The following LIPA variants were observed in gnomAD, a reference collection of about 807,000 sequenced individuals.
The protein encoded by LIPA is lipase A, lysosomal acid type, also known as lysosomal acid lipase/cholesteryl ester hydrolase.
LIPA carries 26 observed loss-of-function variants against 40.6 expected under a neutral mutation model. That is an observed-to-expected ratio of 0.64 (90% CI 0.47 to 0.89). The LOEUF (loss-of-function observed/expected upper bound fraction) is 0.89, where lower values mean the gene tolerates loss of function less well. Ranked by LOEUF, LIPA falls within the 40% of genes least tolerant of loss-of-function variation. The pLI, the probability that LIPA is intolerant of heterozygous loss-of-function variation, is 0.00. For missense variants in LIPA, 455 were observed against 479.6 expected, an observed-to-expected ratio of 0.95 and a Z score of 0.48; for synonymous variants, 188 against 168.4, an observed-to-expected ratio of 1.12 and a Z score of -0.90.
In LIPA at chr10:89,294,028, A is replaced by G. The variant is rs528198186; in HGVS notation, c.-1-46379T>C. ...AAGAGCCTAGAATGGTGCCTGGCAC[A>G]TAGTAGATTCTCAGTAAGTATTGAT... On this transcript the variant is annotated intron_variant, in intron 1 of 5. Coordinates refer to the LIPA transcript ENST00000282673. Among the ~76,000 whole-genome samples the G allele has an allele frequency of 1.1e-3, 161 of 152,380 alleles. 1 individual carries two copies. Among genetic ancestry groups the G allele is most frequent in the African/African-American group, 3.5e-3 (145 of 41,588 alleles).
chr10:89,272,745 C>A (rs1281268124), intron 1 of LIPA, among the ~76,000 whole-genome samples: 1 of 152,206 alleles, frequency 6.6e-6, no homozygotes, highest in Non-Finnish European at 1.5e-5. Context: ...TCTCTACAAC[C>A]TCGCCAGCAT....
At chr10:89,233,613 T>C (rs1432350289) in intron 3 of LIPA, among the ~76,000 whole-genome samples, 4 of 152,178 alleles carry the variant, frequency 2.6e-5, no homozygotes, top group African/African-American at 7.2e-5. Context: ...TAAAAAGCAA[T>C]GGCAGGCCGG....
chr10:89,378,871 G>A (rs1844141353), intron 2 of LIPA, among the ~76,000 whole-genome samples: 1 of 152,202 alleles, frequency 6.6e-6, no homozygotes, highest in South Asian at 2.1e-4. Context: ...TTCCAAAGAT[G>A]TCATTTCTGT....
At chr10:89,254,539 G>C (rs888793770), upstream of LIPA, among the ~76,000 whole-genome samples, 4 of 152,198 alleles carry the variant, frequency 2.6e-5, no homozygotes, top group South Asian at 2.1e-4. Context: ...GATGGGAGGG[G>C]CTGCCTCAAA....
intron 1 of LIPA, among the ~76,000 whole-genome samples, chr10:89,320,738 A>T (rs1843566670): frequency 6.6e-6 from 1 of 152,252 alleles, no homozygotes; most frequent in Non-Finnish European, 1.5e-5. Flanking sequence ...ATATGGAACC[A>T]AAATAGAGCC....
chr10:89,319,681 A>G (rs1843560712), intron 1 of LIPA, among the ~76,000 whole-genome samples: 1 of 152,246 alleles, frequency 6.6e-6, no homozygotes, highest in Non-Finnish European at 1.5e-5. Flanking sequence ...CAATCAATAG[A>G]AAAAGAGGGA....
At chr10:89,335,657 G>C (rs1050305160) in intron 1 of LIPA, 7 of 143,576 alleles carry the variant, frequency 4.9e-5, no homozygotes, top group Non-Finnish European at 1.1e-4. Flanking sequence ...TCATCCTGCA[G>C]GTCCACTGGA....
intron 1 of LIPA, among the ~76,000 whole-genome samples, chr10:89,287,429 C>T (rs777025741): frequency 6.6e-6 from 1 of 152,076 alleles, no homozygotes; most frequent in Non-Finnish European, 1.5e-5. Context: ...TTTTAATTAT[C>T]CCCACCTGCC....
chr10:89,381,134 T>A (rs1419844646), intron 2 of LIPA, among the ~76,000 whole-genome samples: 1 of 152,196 alleles, frequency 6.6e-6, no homozygotes, highest in Non-Finnish European at 1.5e-5. Flanking sequence ...GCTGAGATGC[T>A]GAGATTGGGT....
At chr10:89,323,651 C>T (rs1052961732) in intron 1 of LIPA, among the ~76,000 whole-genome samples, 8 of 151,926 alleles carry the variant, frequency 5.3e-5, no homozygotes, top group Admixed American at 6.6e-5. Context: ...AAATCCAAGC[C>T]GAGAGCCAAA....
In LIPA at chr10:89,336,104, T is replaced by C. The variant is rs897252698; in HGVS notation, c.-2+6507A>G. Among the ~76,000 whole-genome samples the C allele has an allele frequency of 5.0e-5, 7 of 139,988 alleles. No individual in the cohort carries two copies. The Admixed American group carries it at 5.4e-4, about 11-fold the overall frequency. 91.8% of individuals were successfully genotyped at this position (139,988 alleles called of 152,430 possible). On this transcript the variant is annotated intron_variant, in intron 1 of 5. Transcript: ENST00000282673. ...CACTCTGGGCAATATAGTGAGACCC[T>C]GTCTCTGCAAAAAAAGGAAGGAAGG...
At chr10:89,381,601 G>A (rs1783003101) in intron 2 of LIPA, among the ~76,000 whole-genome samples, 1 of 152,076 alleles carries the variant, frequency 6.6e-6, no homozygotes, top group South Asian at 2.1e-4. Context: ...ACTCAAGGAG[G>A]GTCTAAGCAT....
chr10:89,409,211 T>A (rs113088064), intron 2 of LIPA, among the ~76,000 whole-genome samples: 6,690 of 151,760 alleles, frequency 0.044, 343 homozygotes, highest in African/African-American at 0.12. Flanking sequence ...TGAACAAAAT[T>A]TGGAGGCATT....
chr10:89,357,730 C>T (rs1843995942), intron 2 of LIPA, among the ~76,000 whole-genome samples: 1 of 152,118 alleles, frequency 6.6e-6, no homozygotes, highest in African/African-American at 2.4e-5. Context: ...AGATGGATCA[C>T]TCAAAGGTAG....
At chr10:89,256,889 G>A (rs1429543675) in intron 1 of LIPA, among the ~76,000 whole-genome samples, 1 of 152,184 alleles carries the variant, frequency 6.6e-6, no homozygotes, top group African/African-American at 2.4e-5. Flanking sequence ...GTGACTGGTG[G>A]ATGACCTATA....
exon 2 of LIPA, chr10:89,412,888 G>C (rs928825459): frequency 3.3e-5 from 9 of 268,790 alleles, no homozygotes; most frequent in Admixed American, 5.0e-5. Flanking sequence ...AGAGTCCGCA[G>C]CTTCATTCTT....
At chr10:89,339,853 G>T in intron 1 of LIPA, 1 of 1,614,156 alleles carries the variant, frequency 6.2e-7, no homozygotes, top group East Asian at 2.2e-5. Flanking sequence ...AGAGATCAAA[G>T]ACCAACCACA....
intron 1 of LIPA, among the ~76,000 whole-genome samples, chr10:89,250,098 C>CTTTCT (rs1564767178): frequency 1.2e-3 from 120 of 101,634 alleles, no homozygotes; most frequent in African/African-American, 2.6e-3. Context: ...TTTTTCTTTT[C>CTTTCT]TTTTCTTTCT....
At chr10:89,394,139 C>A (rs115116259) in intron 2 of LIPA, among the ~76,000 whole-genome samples, 2,958 of 138,006 alleles carry the variant, frequency 0.021, 43 homozygotes, top group African/African-American at 0.041. Flanking sequence ...TAGCCTACTA[C>A]ACACCTAGGC....
Sources: gnomAD v4.1 joint callset for allele counts (sites outside exome capture counted in the v4.1 genomes callset) on GRCh38, gnomAD v4.1.1 for gene constraint, MANE v1.5 for transcripts, NCBI Gene and HGNC (gene_info 2026-07-23, HGNC 2026-07-21) for gene names.